PHLPP2: variants seen among roughly 807,000 people sequenced by gnomAD.
The protein encoded by PHLPP2 is PH domain and leucine rich repeat protein phosphatase 2, also known as PH domain leucine-rich repeat-containing protein phosphatase 2.
In PHLPP2, 66 loss-of-function variants were observed where a neutral mutation model predicts 124.9. The ratio of observed to expected loss-of-function variants is 0.53; its 90% CI spans 0.43 to 0.65. The LOEUF is 0.65. PHLPP2 is among the 30% of genes least tolerant of loss of function. The pLI is 0.00. For synonymous variants in PHLPP2, 681 were observed against 624.7 expected (o/e 1.09, Z -1.34); for missense variants, 1,685 against 1,600.4 (o/e 1.05, Z -0.90).
chr16:71,669,418 A>G, intron 10 of PHLPP2, 48 bp from the exon 11 acceptor site: 1 of 1,346,790 alleles, frequency 7.4e-7, no homozygotes, highest in Non-Finnish European at 1.1e-6. Context: ...TGACAAGTGG[A>G]ACTCATTTCA....
At chr16:71,684,189 G>A (rs545051615) in intron 5 of PHLPP2, among the ~76,000 whole-genome samples, 4 of 148,214 alleles carry the variant, frequency 2.7e-5, no homozygotes, top group Non-Finnish European at 4.4e-5. Flanking sequence ...GCAGTGGCGC[G>A]ATGTCGGCTC....
intron 1 of PHLPP2, chr16:71,723,812 T>TCGGGCGGCTC: frequency 7.8e-7 from 1 of 1,287,088 alleles, no homozygotes; most frequent in East Asian, 3.4e-5. Context: ...CGCGGGCGCT[T>TCGGGCGGCTC]CGGGCGGCTC....
chr16:71,671,403 C>T (rs2044891707), intron 10 of PHLPP2, among the ~76,000 whole-genome samples: 1 of 151,950 alleles, frequency 6.6e-6, no homozygotes, highest in African/African-American at 2.4e-5. Context: ...CTGCTTTGGG[C>T]ACCCTGTACT....
Position 71,681,929 on chromosome 16 carries a change from C to A in PHLPP2, c.736-24G>T, listed in dbSNP as rs754570191. ...ACCTGAATAATGTCAAAGAGAAGAG[C>A]CTTCTGAGCTAGTACTGGATGTCTA... On this transcript the variant is annotated intron_variant, in intron 5 of 18. Coordinates refer to ENST00000568954, the MANE Select transcript of PHLPP2 (RefSeq NM_015020.3). The A allele has an allele frequency of 2.6e-6, 4 of 1,567,178 alleles. No homozygotes were observed. The Admixed American group carries it at 5.4e-5, about 21-fold the overall frequency.
At chr16:71,702,781 G>T in intron 2 of PHLPP2, 50 bp from the exon 3 acceptor site, 8 of 1,314,654 alleles carry the variant, frequency 6.1e-6, no homozygotes, top group South Asian at 2.8e-5. Context: ...TAATAAAAAT[G>T]GTTCATTTAA....
intron 6 of PHLPP2, among the ~76,000 whole-genome samples, chr16:71,681,179 G>A (rs372395483): frequency 1.9e-4 from 29 of 152,130 alleles, no homozygotes; most frequent in Admixed American, 9.2e-4. Flanking sequence ...TATTCACTGC[G>A]TCCATTTTTA....
At chr16:71,652,301 A>G (rs899899943) in intron 18 of PHLPP2, among the ~76,000 whole-genome samples, 3 of 152,254 alleles carry the variant, frequency 2.0e-5, no homozygotes, top group Non-Finnish European at 4.4e-5. Context: ...TGAAAGCAAA[A>G]ATGTTAATTT....
In PHLPP2 at chr16:71,670,157, G is replaced by A. The variant is rs866952247; in HGVS notation, c.1533-787C>T. Among the ~76,000 whole-genome samples the A allele has an allele frequency of 2.6e-5, 4 of 152,204 alleles. No individual in the cohort carries two copies. In the South Asian group the frequency reaches 8.3e-4, roughly 31 times the overall value. Reference sequence around the variant, plus strand: ...GTGGCAACATGAGCTAGAGCACAGAGGCAAGAGAAGAAACATATGATGTGT... The same window carrying A: ...GTGGCAACATGAGCTAGAGCACAGAAGCAAGAGAAGAAACATATGATGTGT... On this transcript the variant is annotated intron_variant, in intron 10 of 18. Transcript: ENST00000568954.
chr16:71,722,341 G>T (rs1165757496), intron 1 of PHLPP2, among the ~76,000 whole-genome samples: 1 of 152,172 alleles, frequency 6.6e-6, no homozygotes, highest in Non-Finnish European at 1.5e-5. Flanking sequence ...GGCTGAGGCA[G>T]GAGAATCGCT....
At chr16:71,692,412 T>A (rs1944501574) in intron 3 of PHLPP2, among the ~76,000 whole-genome samples, 2 of 152,118 alleles carry the variant, frequency 1.3e-5, no homozygotes, top group Admixed American at 1.3e-4. Context: ...CCTATTTAAA[T>A]TAGGTATCAC....
At position 71,648,893 on chromosome 16, in the gene PHLPP2, T is replaced by C. The variant is rs61733125; in HGVS notation, c.3969A>G (p.Leu1323=). The C allele has an allele frequency of 0.21, 335,189 of 1,608,874 alleles. 40,283 individuals carry two copies. The highest frequency in any genetic ancestry group is 0.48 in the South Asian group (43,571 of 90,818). The part of the protein sequence containing the change: ...TEPPEEFDTA[L] Reference sequence around the variant, plus strand: ...CACACTGTGCCCAGTGGGGCAGTCATAGTGCTGTGTCGAACTCCTCCGGGG... The same window carrying C: ...CACACTGTGCCCAGTGGGGCAGTCACAGTGCTGTGTCGAACTCCTCCGGGG... Residue 1323 remains leucine, a synonymous_variant, in exon 19 of 19, where the codon CTA becomes CTG. Transcript: ENST00000568954.
chr16:71,683,266 G>A (rs2045020528), intron 5 of PHLPP2, among the ~76,000 whole-genome samples: 1 of 152,088 alleles, frequency 6.6e-6, no homozygotes, highest in Non-Finnish European at 1.5e-5. Context: ...ATGGCTAGAA[G>A]AAAAAGAGAA....
At position 71,646,530 on chromosome 16, in the gene PHLPP2, T is replaced by C. The variant is rs2044654477; in HGVS notation, c.*2360A>G. 6.6e-6 allele frequency: 1 copy of C among 152,110 alleles called. No individual in the cohort carries two copies. Among genetic ancestry groups the C allele is most frequent in the South Asian group, 2.1e-4 (1 of 4,826 alleles). 9.4% of individuals were successfully genotyped at this position (152,110 alleles called of 1,614,324 possible). A position where few individuals can be genotyped will look rare whatever the true frequency, so the allele number is the denominator to read the frequency against. On this transcript the variant is annotated 3_prime_UTR_variant, in exon 19 of 19. Coordinates refer to ENST00000568954, the MANE Select transcript of PHLPP2 (RefSeq NM_015020.3). ...GGAAACGAATAGCAGACAAGAAGGGTTCACCATAATGAATAATTTTTATAA... is the reference window on the plus strand; with the variant it reads ...GGAAACGAATAGCAGACAAGAAGGGCTCACCATAATGAATAATTTTTATAA...
intron 5 of PHLPP2, among the ~76,000 whole-genome samples, chr16:71,684,122 ACTCTTTTT>A (rs2045030021): frequency 1.6e-4 from 18 of 114,090 alleles, no homozygotes; most frequent in African/African-American, 6.0e-4. Context: ...CTCTTGAGGT[ACTCTTTTT>A]TTTTTTTTTT....
At position 71,678,977 on chromosome 16, in the gene PHLPP2, G is replaced by A; in HGVS notation, c.1046C>T (p.Thr349Ile). ...SQIGNLLNLQ[T>I]LCLDGNFLTT... is the part of the protein sequence containing the mutation. Reference sequence around the variant, plus strand: ...CAGAAAGTTGCCATCAAGACAGAGGGTTTGAAGACTATAGGAAGAAAACAA... The same window carrying A: ...CAGAAAGTTGCCATCAAGACAGAGGATTTGAAGACTATAGGAAGAAAACAA... The change falls in exon 8 of 19, where the codon ACC becomes ATC. Residue 349 changes from threonine to isoleucine, a missense_variant. Coordinates refer to ENST00000568954, the MANE Select transcript of PHLPP2 (RefSeq NM_015020.3). The A allele has an allele frequency of 1.3e-6, 2 of 1,578,868 alleles. No individual in the cohort carries two copies. The highest frequency in any genetic ancestry group is 2.2e-5 in the South Asian group (2 of 90,348).
chr16:71,720,747 C>A (rs1055925260), intron 1 of PHLPP2, among the ~76,000 whole-genome samples: 5 of 151,926 alleles, frequency 3.3e-5, no homozygotes, highest in Non-Finnish European at 1.5e-5. Context: ...GCCTGTAATC[C>A]CAGCTACACG....
In PHLPP2 at chr16:71,658,299, A is replaced by T. The variant is rs1403121406; in HGVS notation, c.2213T>A (p.Leu738Ter). Reference protein sequence around the residue: ...ILIPEALPATLQDLDLTGNTN... With the variant: ...ILIPEALPAT ...ATTTCCAGTCAGGTCAAGGTCTTGT[A>T]ATGTAGCAGGCAAAGCCTCTGGAAT... Residue 738 changes from leucine (L) to a stop codon, truncating the protein, a stop_gained, in exon 15 of 19, where the codon TTA becomes TAA. Transcript: ENST00000568954. LOFTEE classifies it high-confidence loss of function. 2.5e-6 allele frequency: 4 copies of T among 1,613,568 alleles called. No individual in the cohort carries two copies. In the African/African-American group the frequency reaches 5.3e-5, roughly 22 times the overall value.
rs142555624 is a variant in PHLPP2, at chr16:71,652,041, C to T, written c.2817+749G>A. 4.9e-3 allele frequency among the ~76,000 whole-genome samples: 742 copies of T among 152,280 alleles called. 3 individuals are homozygous for T. Among genetic ancestry groups the T allele is most frequent in the Non-Finnish European group, 9.3e-3 (631 of 68,022 alleles). ...AGATAAAAACTGACAGGTGGGCCTTCATTAAAACTAAAAGCTCTGCAAAAA... is the reference window on the plus strand; with the variant it reads ...AGATAAAAACTGACAGGTGGGCCTTTATTAAAACTAAAAGCTCTGCAAAAA... On this transcript the variant is annotated intron_variant, in intron 18 of 18. Coordinates refer to ENST00000568954, the MANE Select transcript of PHLPP2 (RefSeq NM_015020.3).
At chr16:71,672,721 G>A (rs978721320) in intron 9 of PHLPP2, among the ~76,000 whole-genome samples, 1 of 152,168 alleles carries the variant, frequency 6.6e-6, no homozygotes, top group Non-Finnish European at 1.5e-5. Flanking sequence ...ACACACTAGT[G>A]GAACCAACAC....
Sources: allele counts gnomAD v4.1 joint callset (sites outside exome capture counted in the v4.1 genomes callset), GRCh38; gene constraint gnomAD v4.1.1; transcripts MANE v1.5; gene names NCBI Gene and HGNC (gene_info 2026-07-23, HGNC 2026-07-21).